Variants in SEPTIN6 observed in about 807,000 individuals in gnomAD.
SEPTIN6 encodes septin-6.
Under a neutral mutation model 33.6 loss-of-function variants are expected in SEPTIN6, and 8 were observed. The observed-to-expected ratio is 0.24, with a 90% CI of 0.14 to 0.43. The LOEUF is 0.43. SEPTIN6 is among the 20% of genes least tolerant of loss of function. The pLI, the probability that SEPTIN6 is intolerant of heterozygous loss-of-function variation, is 1.00. For missense variants in SEPTIN6, 250 were observed against 340.8 expected, an observed-to-expected ratio of 0.73 and a Z score of 2.10; for synonymous variants, 131 against 140.0, an observed-to-expected ratio of 0.94 and a Z score of 0.45.
Position 119,657,346 on chromosome X carries a change from T to G in SEPTIN6, c.342-4306A>C, listed in dbSNP as rs183024888. On this transcript the variant is annotated intron_variant, in intron 3 of 10. Transcript: ENST00000394610. ...GGACTAGGTTTCCACGGCAACTTGGTTCTCAGTCTTGTCAATTCTCTCAAA... is the reference window on the plus strand; with the variant it reads ...GGACTAGGTTTCCACGGCAACTTGGGTCTCAGTCTTGTCAATTCTCTCAAA... Among the ~76,000 whole-genome samples the G allele has an allele frequency of 3.4e-3, 374 of 110,974 alleles. 2 individuals are homozygous for G. The highest frequency in any genetic ancestry group is 0.012 in the African/African-American group (360 of 30,556).
Position 119,618,569 on chromosome X carries a change from A to G in SEPTIN6, c.*1524T>C. On this transcript the variant is annotated 3_prime_UTR_variant, in exon 11 of 11. Coordinates refer to ENST00000394610, the MANE Select transcript of SEPTIN6 (RefSeq NM_145799.4). ...AAAAAAAAAATAGAAGTAGGTGGTCATGGTCAGTGCCAGTGGGGCTGGGAG... is the reference window on the plus strand; with the variant it reads ...AAAAAAAAAATAGAAGTAGGTGGTCGTGGTCAGTGCCAGTGGGGCTGGGAG... 2.0e-6 allele frequency: 2 copies of G among 979,325 alleles called. No individual in the cohort carries two copies. The highest frequency in any genetic ancestry group is 4.0e-5 in the African/African-American group (2 of 50,220). 80.7% of individuals were successfully genotyped at this position (979,325 alleles called of 1,213,427 possible). A position where few individuals can be genotyped will look rare whatever the true frequency, so the allele number is the denominator to read the frequency against.
At chrX:119,643,483 C>A (rs552997560) in intron 5 of SEPTIN6, among the ~76,000 whole-genome samples, 11 of 110,711 alleles carry the variant, frequency 9.9e-5, no homozygotes, top group Admixed American at 2.9e-4. Context: ...CAAGAGACAC[C>A]GTCAGAATGA....
chrX:119,634,529 G>C (rs185106533), intron 7 of SEPTIN6, among the ~76,000 whole-genome samples: 1 of 111,553 alleles, frequency 9.0e-6, no homozygotes, highest in African/African-American at 3.2e-5. Context: ...TGGTGGAGTA[G>C]AGGCAGACAA....
chrX:119,637,092 C>T lies in SEPTIN6; in HGVS notation c.891G>A (p.Leu297=), dbSNP rs369979290. The stretch of plus-strand genomic sequence containing the variant: ...TCTCCTCCAGCTTACAGCGGCGATA[C>T]AGCTCATAGTGCCGGGTGTGGGTCT... ...REQTHTRHYE[L]YRRCKLEEMG... The change falls in exon 7 of 11, where the codon CTG becomes CTA. Residue 297 remains leucine, a synonymous_variant. Transcript: ENST00000394610. 2 of 1,211,446 alleles carry T rather than the reference C, an allele frequency of 1.7e-6. No homozygotes were observed. Among genetic ancestry groups the T allele is most frequent in the Non-Finnish European group, 2.2e-6 (2 of 895,213 alleles).
intron 10 of SEPTIN6, chrX:119,624,049 A>G (rs759972115): frequency 5.7e-6 from 2 of 348,539 alleles, no homozygotes; most frequent in Non-Finnish European, 1.1e-5. Flanking sequence ...ATCTCCTTAT[A>G]AGAGGTTTTC....
chrX:119,628,025 C>A (rs2053883939), intron 9 of SEPTIN6, among the ~76,000 whole-genome samples: 2 of 108,636 alleles, frequency 1.8e-5, no homozygotes, highest in Admixed American at 9.9e-5. Flanking sequence ...GTCTCGAACT[C>A]CTGAACTCAA....
chrX:119,675,128 A>G (rs976181799), intron 2 of SEPTIN6, among the ~76,000 whole-genome samples: 1 of 111,570 alleles, frequency 9.0e-6, no homozygotes, highest in Non-Finnish European at 1.9e-5. Flanking sequence ...CCCGAGCTCA[A>G]ACTAAACCAA....
chrX:119,671,290 G>GTTT (rs149958364), intron 2 of SEPTIN6, among the ~76,000 whole-genome samples: 1 of 98,311 alleles, frequency 1.0e-5, no homozygotes. Flanking sequence ...TACACAATAA[G>GTTT]TTTTTTTTTT....
At chrX:119,651,088 T>C (rs2107899) in intron 4 of SEPTIN6, among the ~76,000 whole-genome samples, 4 of 103,613 alleles carry the variant, frequency 3.9e-5, no homozygotes, top group African/African-American at 1.4e-4. Context: ...GCCAGTAGAC[T>C]CCAACGGGGG....
At chrX:119,692,323 ACTGCAC>A (rs2055187458) in intron 1 of SEPTIN6, among the ~76,000 whole-genome samples, 1 of 108,570 alleles carries the variant, frequency 9.2e-6, no homozygotes, top group African/African-American at 3.4e-5. Context: ...AGGCCAGCCA[ACTGCAC>A]CCCACACTGA....
chrX:119,639,917 C>T (rs748383344), intron 6 of SEPTIN6, among the ~76,000 whole-genome samples: 1 of 110,323 alleles, frequency 9.1e-6, no homozygotes, highest in African/African-American at 3.3e-5. Context: ...GATTCTCCTG[C>T]CTCAGCCTCC....
At chrX:119,686,616 CAAA>C in intron 1 of SEPTIN6, 1 of 969,499 alleles carries the variant, frequency 1.0e-6, no homozygotes, top group South Asian at 2.0e-5. Flanking sequence ...CCCACGGTTT[CAAA>C]TCCCAGCAGC....
In SEPTIN6 at chrX:119,644,933, G is replaced by A. The variant is rs1289101439; in HGVS notation, c.691-4145C>T. 3.8e-5 allele frequency among the ~76,000 whole-genome samples: 4 copies of A among 106,052 alleles called. No homozygotes were observed. In the East Asian group the frequency reaches 1.2e-3, roughly 31 times the overall value. 92.1% of individuals were successfully genotyped at this position (106,052 alleles called of 115,157 possible). On this transcript the variant is annotated intron_variant, in intron 5 of 10. Coordinates refer to ENST00000394610, the MANE Select transcript of SEPTIN6 (RefSeq NM_145799.4). Reference sequence around the variant, plus strand: ...TTTTTTTTTTTTTTTTAAGATGAGAGTTTCGCTCTTGTTGCCCAGGCTGGA... The same window carrying A: ...TTTTTTTTTTTTTTTTAAGATGAGAATTTCGCTCTTGTTGCCCAGGCTGGA...
At chrX:119,621,005 C>A (rs954046659) in intron 10 of SEPTIN6, among the ~76,000 whole-genome samples, 1 of 100,458 alleles carries the variant, frequency 1.0e-5, no homozygotes, top group African/African-American at 3.7e-5. Context: ...CACCACCACC[C>A]AATACCTTGT....
intron 10 of SEPTIN6, among the ~76,000 whole-genome samples, chrX:119,625,009 G>A (rs999238985): frequency 9.0e-6 from 1 of 111,363 alleles, no homozygotes; most frequent in Non-Finnish European, 1.9e-5. Context: ...CACTGCGTCC[G>A]GCCCGATTAT....
intron 10 of SEPTIN6, chrX:119,624,206 G>A (rs1027527946): frequency 3.7e-5 from 8 of 218,223 alleles, no homozygotes; most frequent in African/African-American, 2.3e-4. Flanking sequence ...ACGGAGTTTC[G>A]CTCTTATTGC....
chrX:119,668,167 G>C (rs947638814), intron 2 of SEPTIN6, among the ~76,000 whole-genome samples: 1 of 109,897 alleles, frequency 9.1e-6, no homozygotes. Context: ...ATGGTGGCAG[G>C]CTCCTGTAAT....
At chrX:119,654,426 C>G (rs2054402856) in intron 3 of SEPTIN6, among the ~76,000 whole-genome samples, 1 of 111,492 alleles carries the variant, frequency 9.0e-6, no homozygotes, top group African/African-American at 3.3e-5. Flanking sequence ...GGGGGTGCCT[C>G]CCTTCAGGCT....
chrX:119,616,615 C>T (rs1350367723), downstream of SEPTIN6: 19 of 848,954 alleles, frequency 2.2e-5, no homozygotes, highest in Non-Finnish European at 2.9e-5. Context: ...TGTGTGTGTG[C>T]TTGCAGTTTG....
Sources: gnomAD v4.1 joint callset for allele counts (sites outside exome capture counted in the v4.1 genomes callset) on GRCh38, gnomAD v4.1.1 for gene constraint, MANE v1.5 for transcripts, NCBI Gene and HGNC (gene_info 2026-07-23, HGNC 2026-07-21) for gene names.